RFTN1: variants seen among roughly 807,000 people sequenced by gnomAD.
RFTN1 encodes the protein raftlin.
In RFTN1, 26 loss-of-function variants were observed where a neutral mutation model predicts 46.5. The ratio of observed to expected loss-of-function variants is 0.56; its 90% CI spans 0.41 to 0.78. The LOEUF is 0.78. RFTN1 is among the 30% of genes least tolerant of loss of function. RFTN1 has a pLI of 0.00. For synonymous variants in RFTN1, 261 were observed against 284.2 expected, an observed-to-expected ratio of 0.92 and a Z score of 0.82; for missense variants, 693 against 718.7, an observed-to-expected ratio of 0.96 and a Z score of 0.41.
At chr3:16,435,028 A>T (rs1440349109) in intron 2 of RFTN1, among the ~76,000 whole-genome samples, 1 of 152,360 alleles carries the variant, frequency 6.6e-6, no homozygotes, top group South Asian at 2.1e-4. Context: ...GAGAAGGGCA[A>T]ACAACGTTCA....
Position 16,426,220 on chromosome 3 carries a change from G to A in RFTN1, c.332+7631C>T, listed in dbSNP as rs1191543066. 3.9e-5 allele frequency among the ~76,000 whole-genome samples: 6 copies of A among 152,080 alleles called. No homozygotes were observed. Among genetic ancestry groups the A allele is most frequent in the African/African-American group, 9.7e-5 (4 of 41,400 alleles). The stretch of plus-strand genomic sequence containing the variant: ...CTCTAGGGCTGATCCTCGGCCTCGC[G>A]TGTGAACATTTTCTAGGGCACACCC... On this transcript the variant is annotated intron_variant, in intron 3 of 9. Transcript: ENST00000334133. The surrounding 1 kb of genome is among the most constrained non-coding windows in gnomAD (Gnocchi z 5.9).
Position 16,356,532 on chromosome 3 carries a change from G to A in RFTN1, c.1146+1400C>T, listed in dbSNP as rs1349773826. Among the ~76,000 whole-genome samples, 1 of 152,184 alleles carries A rather than the reference G, an allele frequency of 6.6e-6. No individual in the cohort carries two copies. Among genetic ancestry groups the A allele is most frequent in the African/African-American group, 2.4e-5 (1 of 41,440 alleles). ...TTGCTCCTCACTTCACGTGTGCTGG[G>A]AACTGCTGCAGCTTCAAAGCTGAGT... On this transcript the variant is annotated intron_variant, in intron 7 of 9. Transcript: ENST00000334133. This position sits in a 1 kb window ranked among gnomAD's most constrained non-coding sequence, Gnocchi z 4.9.
intron 4 of RFTN1, among the ~76,000 whole-genome samples, chr3:16,389,823 A>G (rs554268171): frequency 1.1e-4 from 17 of 152,310 alleles, no homozygotes; most frequent in African/African-American, 3.8e-4. Flanking sequence ...TTCAACCACT[A>G]TGGGTCCTTA....
rs1283767780 is a variant in RFTN1 at position 16,498,988 on chromosome 3, G to A, written c.-8-5111C>T. On this transcript the variant is annotated intron_variant, in intron 1 of 9. Transcript: ENST00000334133. This position sits in a 1 kb window ranked among gnomAD's most constrained non-coding sequence, Gnocchi z 5.2. ...CATTAGAATCCTGCAAGAGGATGGA[G>A]GCAAAAGATGGGTATGTTGCTTTTG... Among the ~76,000 whole-genome samples the A allele has an allele frequency of 6.6e-6, 1 of 152,180 alleles. No homozygotes were observed. The highest frequency in any genetic ancestry group is 1.5e-5 in the Non-Finnish European group (1 of 68,034).
At position 16,400,891 on chromosome 3, in the gene RFTN1, C is replaced by T. The variant is rs750993411; in HGVS notation, c.441+8484G>A. On this transcript the variant is annotated intron_variant, in intron 4 of 9. Transcript: ENST00000334133. This position sits in a 1 kb window ranked among gnomAD's most constrained non-coding sequence, Gnocchi z 4.5. ...GAACATCTAAGCCTGTAACCTTCCT[C>T]CTCCCTCCCCTGCCAGCATCAAAGG... Among the ~76,000 whole-genome samples the T allele has an allele frequency of 5.7e-4, 87 of 152,278 alleles. No homozygotes were observed. Among genetic ancestry groups the T allele is most frequent in the Non-Finnish European group, 1.0e-3 (71 of 68,006 alleles).
At chr3:16,399,908 C>T (rs1031258096) in intron 4 of RFTN1, among the ~76,000 whole-genome samples, 3 of 152,170 alleles carry the variant, frequency 2.0e-5, no homozygotes, top group African/African-American at 7.2e-5. Context: ...TTAGATCTAC[C>T]TCTCTACATC....
rs576087636 is a variant in RFTN1, at chr3:16,409,578, C to T, written c.333-95G>A. 8.6e-5 allele frequency: 70 copies of T among 813,146 alleles called. 1 individual carries two copies. In the African/African-American group the frequency reaches 1.1e-3, roughly 12 times the overall value. 50.4% of individuals were successfully genotyped at this position (813,146 alleles called of 1,614,324 possible). ...TGTCACCCAGGCTGGAGTGCAATGA[C>T]GCGATCTCGGCTCACTGCAACCCCC... On this transcript the variant is annotated intron_variant, in intron 3 of 9. Coordinates refer to ENST00000334133, the MANE Select transcript of RFTN1 (RefSeq NM_015150.2).
At chr3:16,511,540 A>C (rs2076902152) in intron 1 of RFTN1, among the ~76,000 whole-genome samples, 1 of 152,132 alleles carries the variant, frequency 6.6e-6, no homozygotes, top group Non-Finnish European at 1.5e-5. Context: ...CTATATCTTA[A>C]AAAATGGGAT....
chr3:16,357,896 A>G, intron 7 of RFTN1, 36 bp downstream of exon 7: 1 of 1,324,998 alleles, frequency 7.5e-7, no homozygotes, highest in Non-Finnish European at 1.1e-6. Flanking sequence ...AGTGCTGTCT[A>G]AACAAAAGAA....
rs147421260 is a variant in RFTN1 at position 16,504,441 on chromosome 3, T to A, written c.-9+9001A>T. On this transcript the variant is annotated intron_variant, in intron 1 of 9. Coordinates refer to ENST00000334133, the MANE Select transcript of RFTN1 (RefSeq NM_015150.2). This position sits in a 1 kb window ranked among gnomAD's most constrained non-coding sequence, Gnocchi z 4.4. ...AAAGATATGACATCATCAAGAGTAA[T>A]ATGGTACTGTCAGATGTTGATATTG... Among the ~76,000 whole-genome samples the A allele has an allele frequency of 1.8e-4, 27 of 152,212 alleles. No homozygotes were observed. The highest frequency in any genetic ancestry group is 6.3e-4 in the African/African-American group (26 of 41,536).
intron 7 of RFTN1, among the ~76,000 whole-genome samples, chr3:16,330,450 C>A (rs1027758888): frequency 6.6e-6 from 1 of 152,166 alleles, no homozygotes; most frequent in African/African-American, 2.4e-5. Flanking sequence ...GAAACATATC[C>A]GGATGGAAGG....
chr3:16,409,317 G>A, intron 4 of RFTN1, 58 bp downstream of exon 4: 1 of 1,183,426 alleles, frequency 8.5e-7, no homozygotes, highest in Non-Finnish European at 1.3e-6. Context: ...CTACCTGCCT[G>A]TTCACTCAGG....
At chr3:16,364,665 T>C (rs1301865871) in intron 6 of RFTN1, among the ~76,000 whole-genome samples, 1 of 152,096 alleles carries the variant, frequency 6.6e-6, no homozygotes, top group Non-Finnish European at 1.5e-5. Context: ...GCAAAATAAA[T>C]AAATAAATAA....
chr3:16,454,797 G>A (rs537040317), intron 2 of RFTN1: 48 of 985,192 alleles, frequency 4.9e-5, no homozygotes, highest in Non-Finnish European at 5.5e-5. Context: ...TTTCTGGCGT[G>A]TCTCCCAGGG....
Position 16,370,677 on chromosome 3 carries a change from G to A in RFTN1, c.827-398C>T, listed in dbSNP as rs980324129. The stretch of plus-strand genomic sequence containing the variant: ...GAGAATGGTCTTTGGAAAACTAAAT[G>A]TACAGAGACACATAAAAACAAAAAT... On this transcript the variant is annotated intron_variant, in intron 5 of 9. Coordinates refer to ENST00000334133, the MANE Select transcript of RFTN1 (RefSeq NM_015150.2). The surrounding 1 kb of genome is among the most constrained non-coding windows in gnomAD (Gnocchi z 5.5). Among the ~76,000 whole-genome samples, 4 of 152,158 alleles carry A rather than the reference G, an allele frequency of 2.6e-5. No homozygotes were observed. Among genetic ancestry groups the A allele is most frequent in the African/African-American group, 7.2e-5 (3 of 41,438 alleles).
Position 16,329,651 on chromosome 3 carries a change from G to A in RFTN1, c.1147-2775C>T, listed in dbSNP as rs1274468879. Among the ~76,000 whole-genome samples, 6 of 152,118 alleles carry A rather than the reference G, an allele frequency of 3.9e-5. No individual in the cohort carries two copies. The highest frequency in any genetic ancestry group is 1.4e-4 in the African/African-American group (6 of 41,412). On this transcript the variant is annotated intron_variant, in intron 7 of 9. Transcript: ENST00000334133. This position sits in a 1 kb window ranked among gnomAD's most constrained non-coding sequence, Gnocchi z 4.5. ...AGGCTGCTTTATCCTGAGAATCCCT[G>A]CCCCCATCCCCGTATTCCCAGTTTA...
Position 16,500,383 on chromosome 3 carries a change from C to T in RFTN1, c.-8-6506G>A, listed in dbSNP as rs1003443358. Among the ~76,000 whole-genome samples, 1 of 152,048 alleles carries T rather than the reference C, an allele frequency of 6.6e-6. No individual in the cohort carries two copies. The highest frequency in any genetic ancestry group is 1.5e-5 in the Non-Finnish European group (1 of 68,018). On this transcript the variant is annotated intron_variant, in intron 1 of 9. Transcript: ENST00000334133. This position sits in a 1 kb window ranked among gnomAD's most constrained non-coding sequence, Gnocchi z 5.9. ...CCTGAAACTATGTGTATGGGTCTCC[C>T]GAGCATCAAGGTACCAAGAAAAACT...
chr3:16,462,763 C>A (rs1189718019), intron 2 of RFTN1, among the ~76,000 whole-genome samples: 1 of 152,256 alleles, frequency 6.6e-6, no homozygotes, highest in Admixed American at 6.5e-5. Flanking sequence ...TTGTCATAGA[C>A]AGCAGCCCCA....
intron 1 of RFTN1, among the ~76,000 whole-genome samples, chr3:16,503,142 C>A (rs1463114561): frequency 6.6e-6 from 1 of 152,172 alleles, no homozygotes; most frequent in East Asian, 1.9e-4. Context: ...CAGGAGGGGT[C>A]TGAACCTGAG....
Sources: allele counts gnomAD v4.1 joint callset (sites outside exome capture counted in the v4.1 genomes callset), GRCh38; gene constraint gnomAD v4.1.1; non-coding constraint Gnocchi (gnomAD v3.1); transcripts MANE v1.5; gene names NCBI Gene and HGNC (gene_info 2026-07-23, HGNC 2026-07-21).